KLHDC9: variants seen among roughly 807,000 people sequenced by gnomAD.
The protein encoded by KLHDC9 is kelch domain-containing protein 9.
A neutral mutation model predicts 31.5 loss-of-function variants in KLHDC9; 26 were observed. The ratio of observed to expected loss-of-function variants is 0.83; its 90% confidence interval spans 0.61 to 1.15. KLHDC9 has a LOEUF of 1.15. Among genes scored for constraint, KLHDC9 ranks in the 50% most tolerant of loss-of-function variants. KLHDC9 has a pLI of 0.00. For synonymous variants in KLHDC9, 176 were observed against 184.7 expected, an observed-to-expected ratio of 0.95 and a Z score of 0.38; for missense variants, 437 against 467.7, an observed-to-expected ratio of 0.93 and a Z score of 0.61.
Position 161,099,670 on chromosome 1 carries a change from A to G in KLHDC9, c.760A>G (p.Lys254Glu), listed in dbSNP as rs1654482831. Residue 254 changes from lysine (K) to glutamate (E), a missense_variant, in exon 3 of 4, where the codon AAG (lysine) becomes GAG (glutamate). By Grantham distance (56) the Lys-to-Glu change is moderately conservative. Transcript: ENST00000368011. The part of the protein sequence containing the change: ...RLVSSGQGSQ[K>E]GPHGLRHHSC... ...TGTGAGCAGTGGGCAGGGGTCCCAGAAGGGGCCCCATGGACTACGGCATCA... is the reference window on the plus strand; with the variant it reads ...TGTGAGCAGTGGGCAGGGGTCCCAGGAGGGGCCCCATGGACTACGGCATCA... 6.2e-7 allele frequency: 1 copy of G among 1,614,142 alleles called. No homozygotes were observed. The highest frequency in any genetic ancestry group is 2.2e-5 in the East Asian group (1 of 44,882).
rs1468867184 is a variant in KLHDC9, at chr1:161,100,147, C to G, written c.973C>G (p.Gln325Glu). The change falls in exon 4 of 4, where the codon CAG (glutamine) becomes GAG (glutamate). Residue 325 changes from glutamine to glutamate, a missense_variant. Gln to Glu is a conservative substitution (Grantham distance 29, BLOSUM62 2). Coordinates refer to ENST00000368011, the MANE Select transcript of KLHDC9 (RefSeq NM_152366.5). ...CCATCGCACCTGCCTTTGGAATGAT[C>G]AGCTTTACCTGGTTGGGGGTTTTGG... ...MGHRTCLWND[Q>E]LYLVGGFGED... The G allele has an allele frequency of 1.9e-6, 3 of 1,614,226 alleles. No homozygotes were observed. The Admixed American group carries it at 5.0e-5, about 27-fold the overall frequency.
At chr1:161,099,823 G>A (rs202102836) in intron 3 of KLHDC9, 27 bp downstream of exon 3, 2 of 1,593,086 alleles carry the variant, frequency 1.3e-6, no homozygotes, top group Non-Finnish European at 1.7e-6. Context: ...TGGCTGAAGG[G>A]GGGGAAGGTG....
chr1:161,098,816 T>G lies in KLHDC9; in HGVS notation c.281T>G (p.Val94Gly). 1 of 1,583,170 alleles carries G rather than the reference T, an allele frequency of 6.3e-7. No individual in the cohort carries two copies. The highest frequency in any genetic ancestry group is 1.1e-5 in the South Asian group (1 of 87,508). ...CCCGTGGACGGGCGTTGGCTCTGCGTGGTGGGCGGCTGGGACGGGTCTCGC... is the reference window on the plus strand; with the variant it reads ...CCCGTGGACGGGCGTTGGCTCTGCGGGGTGGGCGGCTGGGACGGGTCTCGC... ...AAPVDGRWLC[V>G]VGGWDGSRRL... Residue 94 changes from valine (V) to glycine (G), a missense_variant, in exon 1 of 4, where the codon GTG (valine) becomes GGG (glycine). Val to Gly is a moderately radical substitution (Grantham distance 109). Transcript: ENST00000368011. This position sits in a 1 kb window ranked among gnomAD's most constrained non-coding sequence, Gnocchi z 6.3.
chr1:161,099,229 C>T, intron 1 of KLHDC9, 117 bp from the exon 2 acceptor site: 4 of 1,352,564 alleles, frequency 3.0e-6, no homozygotes, highest in Non-Finnish European at 4.2e-6. Context: ...ATTACCCTCC[C>T]TCTTATCCCA....
Position 161,099,487 on chromosome 1 carries a change from G to A in KLHDC9, c.669G>A (p.Trp223Ter), listed in dbSNP as rs150493322. The change falls in exon 2 of 4, where the codon TGG becomes TGA. Residue 223 changes from tryptophan (W) to a stop codon, truncating the protein, a stop_gained. Transcript: ENST00000368011. LOFTEE classifies it high-confidence loss of function. ...NLAEPEVAGH[W>*]SHGKIKEEPP... ...CTGAACCAGAAGTAGCTGGGCATTG[G>A]AGTCATGGGAAAATTAAGGTATTAG... 384 of 1,614,252 alleles carry A rather than the reference G, an allele frequency of 2.4e-4. 2 individuals carry two copies. The African/African-American group carries it at 4.7e-3, about 20-fold the overall frequency.
intron 1 of KLHDC9, 40 bp from the exon 2 acceptor site, chr1:161,099,306 C>T (rs1654462754): frequency 6.2e-7 from 1 of 1,613,352 alleles, no homozygotes. Flanking sequence ...TTACATTTTC[C>T]AGAAAACCCA....
At position 161,099,395 on chromosome 1, in the gene KLHDC9, G is replaced by C; in HGVS notation, c.577G>C (p.Ala193Pro). The change falls in exon 2 of 4, where the codon GCC becomes CCC. Residue 193 changes from alanine to proline, a missense_variant. By Grantham distance (27) the Ala-to-Pro change is conservative. Coordinates refer to ENST00000368011, the MANE Select transcript of KLHDC9 (RefSeq NM_152366.5). ...HTASRSGHCAALLQTPGPHPG... is the reference protein window; with the variant it reads ...HTASRSGHCAPLLQTPGPHPG... The stretch of plus-strand genomic sequence containing the variant: ...AGCCTCACGCTCAGGTCACTGTGCG[G>C]CCCTGCTCCAAACTCCTGGACCCCA... 6.2e-7 allele frequency: 1 copy of C among 1,614,226 alleles called. No individual in the cohort carries two copies. Among genetic ancestry groups the C allele is most frequent in the South Asian group, 1.1e-5 (1 of 91,086 alleles).
chr1:161,099,401 C>T lies in KLHDC9; in HGVS notation c.583C>T (p.Leu195Phe). ...ASRSGHCAAL[L>F]QTPGPHPGHQ... is the part of the protein sequence containing the mutation. ...ACGCTCAGGTCACTGTGCGGCCCTG[C>T]TCCAAACTCCTGGACCCCATCCAGG... The change falls in exon 2 of 4, where the codon CTC (leucine) becomes TTC (phenylalanine). Residue 195 changes from leucine (L) to phenylalanine (F), a missense_variant. Coordinates refer to ENST00000368011, the MANE Select transcript of KLHDC9 (RefSeq NM_152366.5). The T allele has an allele frequency of 6.2e-7, 1 of 1,614,254 alleles. No individual in the cohort carries two copies. The highest frequency in any genetic ancestry group is 1.3e-5 in the African/African-American group (1 of 75,072).
chr1:161,099,247 C>A, intron 1 of KLHDC9, 99 bp from the exon 2 acceptor site: 1 of 1,436,150 alleles, frequency 7.0e-7, no homozygotes, highest in Non-Finnish European at 9.8e-7. Context: ...CCACCTACCG[C>A]ACTGCCCCAT....
In KLHDC9 at chr1:161,099,334, G is replaced by C; in HGVS notation, c.528-12G>C. 1 of 1,614,102 alleles carries C rather than the reference G, an allele frequency of 6.2e-7. No homozygotes were observed. Among genetic ancestry groups the C allele is most frequent in the South Asian group, 1.1e-5 (1 of 91,086 alleles). On this transcript the variant is annotated splice_polypyrimidine_tract_variant and intron_variant, in intron 1 of 3. Coordinates refer to ENST00000368011, the MANE Select transcript of KLHDC9 (RefSeq NM_152366.5). ...AAAACCCACTCAGCCCTGAATTTCT[G>C]CATGTCCACAGCTACAAGCAAGAAG...
Position 161,098,648 on chromosome 1 carries a change from G to T in KLHDC9, c.113G>T (p.Gly38Val), listed in dbSNP as rs771001891. ...RAFHSCTELR[G>V]RFYLVGGLLA... is the part of the protein sequence containing the mutation. Reference sequence around the variant, plus strand: ...TTCCATTCATGCACCGAACTGCGGGGACGGTTCTATCTCGTAGGTGGTCTC... The same window carrying T: ...TTCCATTCATGCACCGAACTGCGGGTACGGTTCTATCTCGTAGGTGGTCTC... Residue 38 changes from glycine (G) to valine (V), a missense_variant, in exon 1 of 4, where the codon GGA (glycine) becomes GTA (valine). Gly to Val is a moderately radical substitution (Grantham distance 109). Coordinates refer to ENST00000368011, the MANE Select transcript of KLHDC9 (RefSeq NM_152366.5). This position sits in a 1 kb window ranked among gnomAD's most constrained non-coding sequence, Gnocchi z 6.3. 3.1e-6 allele frequency: 5 copies of T among 1,612,602 alleles called. No individual in the cohort carries two copies. The highest frequency in any genetic ancestry group is 4.2e-6 in the Non-Finnish European group (5 of 1,179,310).
Position 161,099,056 on chromosome 1 carries a change from C to T in KLHDC9, c.521C>T (p.Thr174Ile), listed in dbSNP as rs1654445672. The change falls in exon 1 of 4, where the codon ACC (threonine) becomes ATC (isoleucine). Residue 174 changes from threonine to isoleucine, a missense_variant. Physicochemically the swap from Thr to Ile is moderately conservative, Grantham distance 89 (BLOSUM62 -1). Coordinates refer to ENST00000368011, the MANE Select transcript of KLHDC9 (RefSeq NM_152366.5). ...TTAAGGCTGGACCCCAGCGCCCGCA[C>T]CTATTGGTATGGCACCCTCCGCCCA... Reference protein sequence around the residue: ...YTLRLDPSARTYCYKQEGCHT... With the variant: ...YTLRLDPSARIYCYKQEGCHT... 1.3e-6 allele frequency: 2 copies of T among 1,596,406 alleles called. No homozygotes were observed. Among genetic ancestry groups the T allele is most frequent in the East Asian group, 2.2e-5 (1 of 44,682 alleles).
At position 161,099,980 on chromosome 1, in the gene KLHDC9, G is replaced by C; in HGVS notation, c.887-81G>C. 3 of 1,534,182 alleles carry C rather than the reference G, an allele frequency of 2.0e-6. No homozygotes were observed. The South Asian group carries it at 3.5e-5, about 18-fold the overall frequency. ...AAATCAAGTGAGCAGAAAAACAATG[G>C]GCAAGCCCTTGGTCATGTTGAATTC... On this transcript the variant is annotated intron_variant, in intron 3 of 3. Coordinates refer to ENST00000368011, the MANE Select transcript of KLHDC9 (RefSeq NM_152366.5).
intron 3 of KLHDC9, 94 bp downstream of exon 3, chr1:161,099,890 G>A: frequency 7.2e-7 from 1 of 1,393,124 alleles, no homozygotes; most frequent in East Asian, 2.3e-5. Context: ...GGGTAGGGAG[G>A]AGGAAAAATT....
In KLHDC9 at chr1:161,099,614, C is replaced by T; in HGVS notation, c.704C>T (p.Ala235Val). The T allele has an allele frequency of 1.9e-6, 3 of 1,614,160 alleles. No homozygotes were observed. Among genetic ancestry groups the T allele is most frequent in the Non-Finnish European group, 2.5e-6 (3 of 1,180,036 alleles). ...CTCCCCAAGGAGGAACCACCTGTTG[C>T]TCCTCATTTGATGGAACAGCTTGCA... Reference protein sequence around the residue: ...HGKIKEEPPVAPHLMEQLARL... With the variant: ...HGKIKEEPPVVPHLMEQLARL... The change falls in exon 3 of 4, where the codon GCT becomes GTT. Residue 235 changes from alanine (A) to valine (V), a missense_variant. Physicochemically the swap from Ala to Val is moderately conservative, Grantham distance 64 (BLOSUM62 0). Coordinates refer to ENST00000368011, the MANE Select transcript of KLHDC9 (RefSeq NM_152366.5).
In KLHDC9 at chr1:161,099,693, T is replaced by C; in HGVS notation, c.783T>C (p.His261=). The C allele has an allele frequency of 6.2e-7, 1 of 1,614,216 alleles. No homozygotes were observed. The highest frequency in any genetic ancestry group is 8.5e-7 in the Non-Finnish European group (1 of 1,180,046). ...GSQKGPHGLR[H]HSCSVVGPFA... is the part of the protein sequence containing the mutation. ...AGAAGGGGCCCCATGGACTACGGCA[T>C]CACTCATGTTCTGTGGTCGGGCCCT... Residue 261 remains histidine (H), a synonymous_variant, in exon 3 of 4, where the codon CAT becomes CAC. Coordinates refer to ENST00000368011, the MANE Select transcript of KLHDC9 (RefSeq NM_152366.5).
intron 1 of KLHDC9, 62 bp from the exon 2 acceptor site, chr1:161,099,284 G>C: frequency 2.5e-6 from 4 of 1,595,100 alleles, no homozygotes; most frequent in Non-Finnish European, 3.4e-6. Context: ...TCCTTGGCAA[G>C]GGCGGTGGCA....
chr1:161,099,936 A>C, intron 3 of KLHDC9, 125 bp from the exon 4 acceptor site: 16 of 1,339,748 alleles, frequency 1.2e-5, no homozygotes, highest in Non-Finnish European at 1.7e-5. Context: ...CAGAATATTA[A>C]GCATTTGAAG....
chr1:161,098,435 G>A lies in KLHDC9; in HGVS notation c.-101G>A, dbSNP rs933162062. 6.3e-6 allele frequency: 7 copies of A among 1,111,578 alleles called. No individual in the cohort carries two copies. In the African/African-American group the frequency reaches 1.1e-4, roughly 18 times the overall value. The allele number at this position is 1,111,578 out of a possible 1,614,324, so 68.9% of individuals were successfully genotyped here. A position where few individuals can be genotyped will look rare whatever the true frequency, so the allele number is the denominator to read the frequency against. Reference sequence around the variant, plus strand: ...AACCCCGGCTGGCGTCCGGTAGGGGGAGGTTCCCGGGGAAGCCCGCGGAAG... The same window carrying A: ...AACCCCGGCTGGCGTCCGGTAGGGGAAGGTTCCCGGGGAAGCCCGCGGAAG... On this transcript the variant is annotated 5_prime_UTR_variant, in exon 1 of 4. Coordinates refer to ENST00000368011, the MANE Select transcript of KLHDC9 (RefSeq NM_152366.5). The surrounding 1 kb of genome is among the most constrained non-coding windows in gnomAD (Gnocchi z 6.3).
Sources: allele counts gnomAD v4.1 joint callset, GRCh38; gene constraint gnomAD v4.1.1; non-coding constraint Gnocchi (gnomAD v3.1); transcripts MANE v1.5; gene names NCBI Gene and HGNC (gene_info 2026-07-23, HGNC 2026-07-21).